The following LINGO2 variants were observed in gnomAD, a reference collection of about 807,000 sequenced individuals.
LINGO2 encodes the protein leucine rich repeat and Ig domain containing 2.
In LINGO2, 14 loss-of-function variants were observed where a neutral mutation model predicts 30.6. The observed-to-expected ratio is 0.46, with a 90% CI of 0.30 to 0.72. The LOEUF is 0.72. Among genes scored for constraint, LINGO2 ranks in the 30% least tolerant of loss-of-function variants. The pLI, the probability that LINGO2 is intolerant of heterozygous loss-of-function variation, is 0.07. For synonymous variants in LINGO2, 317 were observed against 288.5 expected, an observed-to-expected ratio of 1.10 and a Z score of -1.00; for missense variants, 729 against 751.7, an observed-to-expected ratio of 0.97 and a Z score of 0.35.
intron 1 of LINGO2, among the ~76,000 whole-genome samples, chr9:28,535,344 A>T (rs537269965): frequency 1.3e-5 from 2 of 152,226 alleles, no homozygotes; most frequent in Admixed American, 1.3e-4. Flanking sequence ...AGGGATCATG[A>T]ATTATATTAG....
At chr9:28,838,996 C>T in the LINGO2 span, among the ~76,000 whole-genome samples, 4 of 152,174 alleles carry the variant, frequency 2.6e-5, no homozygotes, top group Admixed American at 1.3e-4. Flanking sequence ...CCAGGCATAT[C>T]GCAAGTGGCT....
chr9:28,823,491 C>T, the LINGO2 span, among the ~76,000 whole-genome samples: 1 of 152,164 alleles, frequency 6.6e-6, no homozygotes, highest in South Asian at 2.1e-4. Context: ...ATCTCTGAAC[C>T]TGGGTTGGCC....
At chr9:28,187,377 C>G (rs750858287) in intron 4 of LINGO2, among the ~76,000 whole-genome samples, 3 of 151,716 alleles carry the variant, frequency 2.0e-5, no homozygotes, top group Non-Finnish European at 4.4e-5. Flanking sequence ...GTATTCAAAG[C>G]TACTTGAGAG....
At chr9:28,029,912 G>A (rs1009631728) in intron 4 of LINGO2, among the ~76,000 whole-genome samples, 4 of 152,114 alleles carry the variant, frequency 2.6e-5, no homozygotes, top group African/African-American at 9.7e-5. Flanking sequence ...TAATTCCATA[G>A]TCCCTAGAGA....
At chr9:29,020,689 T>C in the LINGO2 span, among the ~76,000 whole-genome samples, 1 of 152,056 alleles carries the variant, frequency 6.6e-6, no homozygotes, top group Non-Finnish European at 1.5e-5. Context: ...GACGACTGCA[T>C]AGAGAACTAA....
In LINGO2 at chr9:28,048,994, ATGAT is replaced by A. The variant is rs1409809243; in HGVS notation, c.-86-36593_-86-36590del. On this transcript the variant is annotated intron_variant, in intron 4 of 5. Transcript: ENST00000379992. ...AAGTACTAATAGCAGTATTAGAATT[ATGAT>A]TAATTTTTAAATCATTTAAGCATTC... Among the ~76,000 whole-genome samples, 47 of 151,266 alleles carry A rather than the reference ATGAT, an allele frequency of 3.1e-4. 1 individual carries two copies. The highest frequency in any genetic ancestry group is 8.3e-4 in the African/African-American group (34 of 41,058).
chr9:28,117,834 C>T lies in LINGO2; in HGVS notation c.-86-105429G>A, dbSNP rs543332691. Among the ~76,000 whole-genome samples, 14 of 151,878 alleles carry T rather than the reference C, an allele frequency of 9.2e-5. No homozygotes were observed. The East Asian group carries it at 1.6e-3, about 17-fold the overall frequency. On this transcript the variant is annotated intron_variant, in intron 4 of 5. Coordinates refer to ENST00000379992, the Ensembl canonical transcript of LINGO2. ...CTGGCACTCCCTAGTGAGATGAACC[C>T]GGTACCTCAGATGGAAATGCAGATA...
the LINGO2 span, among the ~76,000 whole-genome samples, chr9:29,111,601 C>G: frequency 6.6e-6 from 1 of 151,760 alleles, no homozygotes; most frequent in East Asian, 1.9e-4. Context: ...ACTTAATTTC[C>G]TCTTCCACAA....
At chr9:28,491,163 G>A (rs1826381259) in intron 1 of LINGO2, among the ~76,000 whole-genome samples, 1 of 152,178 alleles carries the variant, frequency 6.6e-6, no homozygotes, top group Non-Finnish European at 1.5e-5. Flanking sequence ...TCAAGCTCTG[G>A]AAGTAAGAAG....
chr9:28,686,037 A>G, the LINGO2 span, among the ~76,000 whole-genome samples: 3 of 151,732 alleles, frequency 2.0e-5, no homozygotes, highest in Non-Finnish European at 4.4e-5. Flanking sequence ...CAATAACCAA[A>G]CATTCTAGCA....
intron 4 of LINGO2, among the ~76,000 whole-genome samples, chr9:28,202,762 T>C (rs1479944249): frequency 6.6e-6 from 1 of 152,180 alleles, no homozygotes; most frequent in Non-Finnish European, 1.5e-5. Context: ...AGGCTGAGAA[T>C]GTAGGAATGT....
At chr9:28,723,768 T>C in the LINGO2 span, among the ~76,000 whole-genome samples, 1 of 152,036 alleles carries the variant, frequency 6.6e-6, no homozygotes, top group Non-Finnish European at 1.5e-5. Flanking sequence ...CATTTTTTCA[T>C]AGGAAACATA....
At chr9:28,736,295 G>A in the LINGO2 span, among the ~76,000 whole-genome samples, 1 of 152,240 alleles carries the variant, frequency 6.6e-6, no homozygotes, top group Non-Finnish European at 1.5e-5. Context: ...GATTGCCCCA[G>A]TCTTTTGCCT....
chr9:28,053,203 T>C (rs1253959297), intron 4 of LINGO2, among the ~76,000 whole-genome samples: 1 of 152,178 alleles, frequency 6.6e-6, no homozygotes, highest in Non-Finnish European at 1.5e-5. Flanking sequence ...ACAGGCCATG[T>C]AGCATTTATA....
the LINGO2 span, among the ~76,000 whole-genome samples, chr9:28,699,513 G>C: frequency 6.6e-6 from 1 of 151,984 alleles, no homozygotes; most frequent in African/African-American, 2.4e-5. Flanking sequence ...TGTAAAACAA[G>C]CTTGTTTGAA....
At chr9:28,211,218 G>A (rs985335874) in intron 4 of LINGO2, among the ~76,000 whole-genome samples, 2 of 151,252 alleles carry the variant, frequency 1.3e-5, no homozygotes, top group African/African-American at 4.8e-5. Context: ...TAGCCCATCA[G>A]GGTCACTTAC....
At chr9:28,332,207 T>G (rs772336516) in intron 3 of LINGO2, among the ~76,000 whole-genome samples, 1 of 152,086 alleles carries the variant, frequency 6.6e-6, no homozygotes, top group East Asian at 1.9e-4. Flanking sequence ...TTCTAGTCCT[T>G]GCTTAAGACT....
chr9:29,038,501 T>G, the LINGO2 span, among the ~76,000 whole-genome samples: 1 of 152,054 alleles, frequency 6.6e-6, no homozygotes, highest in East Asian at 1.9e-4. Context: ...TTTCTCACCT[T>G]TTTTCCCCAC....
At chr9:28,358,358 G>T (rs774332379) in intron 3 of LINGO2, among the ~76,000 whole-genome samples, 3 of 152,136 alleles carry the variant, frequency 2.0e-5, no homozygotes, top group Admixed American at 2.0e-4. Flanking sequence ...CAGCCACTGA[G>T]CAGTATCTCC....
Sources: gnomAD v4.1 joint callset for allele counts (sites outside exome capture counted in the v4.1 genomes callset) on GRCh38, gnomAD v4.1.1 for gene constraint, MANE v1.5 for transcripts, NCBI Gene and HGNC (gene_info 2026-07-23, HGNC 2026-07-21) for gene names.